ULK4: variants seen among roughly 807,000 people sequenced by gnomAD.
ULK4 encodes the protein inactive serine/threonine-protein kinase ULK4.
A neutral mutation model predicts 160.6 loss-of-function variants in ULK4; 133 were observed. The observed-to-expected ratio is 0.83, with a 90% CI of 0.72 to 0.96. The LOEUF (loss-of-function observed/expected upper bound fraction) is 0.96. ULK4 is among the 40% of genes least tolerant of loss of function. The pLI, the probability that ULK4 is intolerant of heterozygous loss-of-function variation, is 0.00. For synonymous variants in ULK4, 534 were observed against 539.8 expected (o/e 0.99, Z 0.15); for missense variants, 1,580 against 1,499.5 (o/e 1.05, Z -0.89).
chr3:41,808,428 C>T (rs2040718593), intron 19 of ULK4, among the ~76,000 whole-genome samples: 1 of 152,110 alleles, frequency 6.6e-6, no homozygotes, highest in South Asian at 2.1e-4. Context: ...GTTGTCAGGC[C>T]AATTCAACCT....
Position 41,505,146 on chromosome 3 carries a change from T to C in ULK4, c.3227-41893A>G, listed in dbSNP as rs187165690. ...CAGACATTTTCAGAGAACTTGTTAT[T>C]GATGTATAGTAGATACAGAAAAAGC... is the stretch of plus-strand genomic sequence containing the variant. On this transcript the variant is annotated intron_variant, in intron 32 of 36. Transcript: ENST00000301831. 4.6e-5 allele frequency among the ~76,000 whole-genome samples: 7 copies of C among 152,304 alleles called. No individual in the cohort carries two copies. The East Asian group carries it at 1.3e-3, about 29-fold the overall frequency.
intron 35 of ULK4, among the ~76,000 whole-genome samples, chr3:41,274,282 A>G (rs1384735832): frequency 1.3e-5 from 2 of 152,154 alleles, no homozygotes; most frequent in African/African-American, 4.8e-5. Flanking sequence ...TTGACCAGAT[A>G]CGGAAATTCT....
chr3:41,794,927 G>A (rs1261078770), intron 20 of ULK4, among the ~76,000 whole-genome samples: 1 of 152,078 alleles, frequency 6.6e-6, no homozygotes, highest in African/African-American at 2.4e-5. Context: ...ATGTCTGAAG[G>A]TAAGTTTGGA....
intron 31 of ULK4, among the ~76,000 whole-genome samples, chr3:41,586,659 C>T (rs944234219): frequency 1.3e-5 from 2 of 151,710 alleles, no homozygotes; most frequent in Non-Finnish European, 2.9e-5. Context: ...TGGTTTTTGC[C>T]ACAATAGAAA....
chr3:41,529,262 AT>A, intron 32 of ULK4, among the ~76,000 whole-genome samples: 1 of 152,264 alleles, frequency 6.6e-6, no homozygotes, highest in East Asian at 1.9e-4. Context: ...AACGAGAAAA[AT>A]TTCTAAAAGT....
chr3:41,708,084 CATT>C (rs2036966907), intron 25 of ULK4, among the ~76,000 whole-genome samples: 1 of 150,798 alleles, frequency 6.6e-6, no homozygotes, highest in Non-Finnish European at 1.5e-5. Flanking sequence ...CTAGTACAGC[CATT>C]ATGAAAAATA....
chr3:41,934,838 T>C (rs1243559776), intron 4 of ULK4, among the ~76,000 whole-genome samples: 1 of 152,062 alleles, frequency 6.6e-6, no homozygotes, highest in Non-Finnish European at 1.5e-5. Flanking sequence ...GGTTCATAAA[T>C]GTGTACAATG....
intron 32 of ULK4, among the ~76,000 whole-genome samples, chr3:41,542,699 C>T (rs1053638756): frequency 6.6e-6 from 1 of 152,062 alleles, no homozygotes; most frequent in Admixed American, 6.6e-5. Flanking sequence ...AATTTCAGAA[C>T]TTATTATTGG....
At chr3:41,380,812 T>C (rs1466275266) in intron 35 of ULK4, among the ~76,000 whole-genome samples, 1 of 152,196 alleles carries the variant, frequency 6.6e-6, no homozygotes, top group Non-Finnish European at 1.5e-5. Flanking sequence ...ACTGTGCCCT[T>C]TGGACAGAGT....
chr3:41,384,717 TG>T (rs1191248413), intron 35 of ULK4, among the ~76,000 whole-genome samples: 1 of 152,152 alleles, frequency 6.6e-6, no homozygotes, highest in African/African-American at 2.4e-5. Context: ...CCTGAGTAGC[TG>T]GGAGTATAGG....
chr3:41,306,018 G>C (rs1400568312), intron 35 of ULK4, among the ~76,000 whole-genome samples: 1 of 147,762 alleles, frequency 6.8e-6, no homozygotes, highest in East Asian at 2.1e-4. Context: ...GAGCCCCTCC[G>C]CCTGGCAGTC....
At chr3:41,543,736 T>C (rs1353995723) in intron 32 of ULK4, among the ~76,000 whole-genome samples, 1 of 152,208 alleles carries the variant, frequency 6.6e-6, no homozygotes, top group Non-Finnish European at 1.5e-5. Context: ...TTTTTATCTT[T>C]ATGAGGTCAA....
chr3:41,281,556 A>T (rs973550538), intron 35 of ULK4, among the ~76,000 whole-genome samples: 2 of 152,182 alleles, frequency 1.3e-5, no homozygotes, highest in African/African-American at 4.8e-5. Context: ...AAATCACATG[A>T]TTATCTCATT....
chr3:41,307,216 C>A (rs569808348), intron 35 of ULK4, among the ~76,000 whole-genome samples: 3 of 150,944 alleles, frequency 2.0e-5, no homozygotes, highest in South Asian at 4.2e-4. Context: ...CAGAAAAATA[C>A]TGGGAAAAGG....
chr3:41,640,364 C>T (rs570083250), intron 30 of ULK4, among the ~76,000 whole-genome samples: 5 of 152,246 alleles, frequency 3.3e-5, no homozygotes, highest in Admixed American at 1.3e-4. Flanking sequence ...CATCACACTC[C>T]GAGAGCCCAG....
intron 35 of ULK4, among the ~76,000 whole-genome samples, chr3:41,305,431 A>G (rs1316470978): frequency 2.0e-5 from 3 of 152,188 alleles, no homozygotes; most frequent in Non-Finnish European, 2.9e-5. Context: ...TGTGTTGGCC[A>G]GGCCGGTCTC....
In ULK4 at chr3:41,759,177, T is replaced by C. The variant is rs151120108; in HGVS notation, c.2194-4689A>G. On this transcript the variant is annotated intron_variant, in intron 21 of 36. Coordinates refer to ENST00000301831, the MANE Select transcript of ULK4 (RefSeq NM_017886.4). ...TGATTCAGTATTTTACTGAAAGCTA[T>C]AGCCAGTATAAGAAGAAAAATAAAT... 4.8e-3 allele frequency among the ~76,000 whole-genome samples: 725 copies of C among 152,246 alleles called. 9 individuals are homozygous for C. The highest frequency in any genetic ancestry group is 0.017 in the African/African-American group (703 of 41,562).
At chr3:41,699,518 C>G (rs967273323) in intron 27 of ULK4, among the ~76,000 whole-genome samples, 2 of 151,814 alleles carry the variant, frequency 1.3e-5, no homozygotes, top group Admixed American at 6.6e-5. Flanking sequence ...GGAACAAATT[C>G]GCTGTACAAA....
At chr3:41,734,453 A>G (rs1364471305) in intron 22 of ULK4, among the ~76,000 whole-genome samples, 1 of 152,198 alleles carries the variant, frequency 6.6e-6, no homozygotes, top group East Asian at 1.9e-4. Context: ...TTGTGTATGC[A>G]ATTGAATACG....
Sources: allele counts gnomAD v4.1 joint callset (sites outside exome capture counted in the v4.1 genomes callset), GRCh38; gene constraint gnomAD v4.1.1; transcripts MANE v1.5; gene names NCBI Gene and HGNC (gene_info 2026-07-23, HGNC 2026-07-21).